Variants in SORBS2 observed in about 807,000 individuals in gnomAD.
The protein encoded by SORBS2 is sorbin and SH3 domain-containing protein 2.
Under a neutral mutation model 97.7 loss-of-function variants are expected in SORBS2, and 46 were observed. The observed-to-expected ratio is 0.47, with a 90% CI of 0.37 to 0.60. SORBS2 has a LOEUF of 0.60. Ranked by LOEUF, SORBS2 falls within the 20% of genes least tolerant of loss-of-function variation. The probability of loss-of-function intolerance (pLI) is 0.00; values close to 1 mark genes in which losing one functional copy is unlikely to be tolerated. For synonymous variants in SORBS2, 476 were observed against 473.4 expected (o/e 1.01, Z -0.07); for missense variants, 1,316 against 1,282.3 (o/e 1.03, Z -0.40).
intron 1 of SORBS2, among the ~76,000 whole-genome samples, chr4:185,654,955 CTG>C (rs2097372992): frequency 6.6e-6 from 1 of 152,162 alleles, no homozygotes; most frequent in Non-Finnish European, 1.5e-5. Flanking sequence ...TACAGTGACT[CTG>C]TTCTATTTTT....
chr4:185,705,919 T>TC (rs1366993338), intron 2 of SORBS2, among the ~76,000 whole-genome samples: 1 of 152,200 alleles, frequency 6.6e-6, no homozygotes, highest in Non-Finnish European at 1.5e-5. Context: ...TACATTGTCT[T>TC]CCAGCATATG....
intron 1 of SORBS2, among the ~76,000 whole-genome samples, chr4:185,929,424 T>C (rs1244987908): frequency 6.6e-6 from 1 of 152,192 alleles, no homozygotes; most frequent in Non-Finnish European, 1.5e-5. Flanking sequence ...CTTTTATAAT[T>C]GAGTTTAAAG....
At chr4:185,809,450 A>C (rs923877368) in intron 1 of SORBS2, among the ~76,000 whole-genome samples, 2 of 70,226 alleles carry the variant, frequency 2.8e-5, no homozygotes, top group Non-Finnish European at 2.6e-5. Flanking sequence ...GGGGCACTGC[A>C]TTTGCAAAAA....
chr4:185,890,840 C>A (rs2099242109), intron 1 of SORBS2, among the ~76,000 whole-genome samples: 1 of 152,210 alleles, frequency 6.6e-6, no homozygotes, highest in African/African-American at 2.4e-5. Flanking sequence ...CCTAGGTTTT[C>A]TGCCTTGCTA....
At chr4:185,916,942 A>G (rs1211748757) in intron 1 of SORBS2, among the ~76,000 whole-genome samples, 1 of 152,244 alleles carries the variant, frequency 6.6e-6, no homozygotes, top group Non-Finnish European at 1.5e-5. Context: ...GCTGGGTACC[A>G]GAAAGACCAA....
At chr4:185,868,773 CA>C (rs1474976221) in intron 1 of SORBS2, among the ~76,000 whole-genome samples, 2 of 152,112 alleles carry the variant, frequency 1.3e-5, no homozygotes, top group Non-Finnish European at 2.9e-5. Flanking sequence ...CATGCTGTGT[CA>C]ATATTCTACC....
At chr4:185,643,773 A>C (rs1319305351) in intron 4 of SORBS2, among the ~76,000 whole-genome samples, 2 of 152,176 alleles carry the variant, frequency 1.3e-5, no homozygotes, top group African/African-American at 4.8e-5. Flanking sequence ...ATTTTTCAAA[A>C]ATTGAAAATG....
At chr4:185,655,661 C>CGTA (rs2097387464) in intron 1 of SORBS2, among the ~76,000 whole-genome samples, 1 of 152,184 alleles carries the variant, frequency 6.6e-6, no homozygotes, top group African/African-American at 2.4e-5. Flanking sequence ...TTTGCTTATG[C>CGTA]ATACCCAAAC....
Position 185,907,138 on chromosome 4 carries a change from C to CAAA in SORBS2, c.-338+49055_-338+49057dup, listed in dbSNP as rs1401461983. Among the ~76,000 whole-genome samples the CAAA allele has an allele frequency of 5.4e-3, 373 of 68,602 alleles. 3 individuals are homozygous for CAAA. The highest frequency in any genetic ancestry group is 0.017 in the African/African-American group (364 of 21,598). 45.0% of individuals were successfully genotyped at this position (68,602 alleles called of 152,430 possible). A position where few individuals can be genotyped will look rare whatever the true frequency, so the allele number is the denominator to read the frequency against. On this transcript the variant is annotated intron_variant, in intron 1 of 20. Coordinates refer to the SORBS2 transcript ENST00000284776. ...GTGACAGAGCAAAACTCCATCATAACAAAAAAAAAAAAAAAAGAGGAATGA... is the reference window on the plus strand; with the variant it reads ...GTGACAGAGCAAAACTCCATCATAACAAAAAAAAAAAAAAAAAAAGAGGAATGA...
intron 4 of SORBS2, among the ~76,000 whole-genome samples, chr4:185,631,754 C>A (rs2096910675): frequency 6.6e-6 from 1 of 151,588 alleles, no homozygotes; most frequent in Non-Finnish European, 1.5e-5. Flanking sequence ...GAGAGTGAAA[C>A]CCCATCTCAA....
intron 2 of SORBS2, among the ~76,000 whole-genome samples, chr4:185,700,259 C>T (rs763763425): frequency 6.6e-6 from 1 of 151,732 alleles, no homozygotes; most frequent in Non-Finnish European, 1.5e-5. Context: ...GAAGATTGGG[C>T]TCCAGCTGCC....
chr4:185,827,283 C>CACA (rs2099201142), intron 1 of SORBS2, among the ~76,000 whole-genome samples: 2 of 131,160 alleles, frequency 1.5e-5, no homozygotes, highest in Non-Finnish European at 3.4e-5. Flanking sequence ...TCACCATCAT[C>CACA]ATCACCATCA....
At chr4:185,782,797 C>A (rs1193344531) in intron 1 of SORBS2, among the ~76,000 whole-genome samples, 1 of 152,202 alleles carries the variant, frequency 6.6e-6, no homozygotes, top group African/African-American at 2.4e-5. Context: ...TTTTGTGTGT[C>A]ATACACTGTA....
At chr4:185,645,100 C>A (rs955194441) in intron 4 of SORBS2, among the ~76,000 whole-genome samples, 1 of 152,128 alleles carries the variant, frequency 6.6e-6, no homozygotes, top group Non-Finnish European at 1.5e-5. Context: ...ATAGAAACAT[C>A]GTGGTGGGAG....
intron 1 of SORBS2, among the ~76,000 whole-genome samples, chr4:185,924,738 C>T (rs955262751): frequency 3.3e-5 from 5 of 152,236 alleles, no homozygotes; most frequent in Non-Finnish European, 7.3e-5. Context: ...CTCCAGACTC[C>T]TCATATAAGC....
chr4:185,751,833 G>T (rs1179706783), intron 2 of SORBS2, among the ~76,000 whole-genome samples: 1 of 152,080 alleles, frequency 6.6e-6, no homozygotes, highest in East Asian at 1.9e-4. Flanking sequence ...AGTCAGCATC[G>T]CAAACAAGCA....
At chr4:185,794,932 C>A (rs1276764158) in intron 1 of SORBS2, among the ~76,000 whole-genome samples, 1 of 152,120 alleles carries the variant, frequency 6.6e-6, no homozygotes, top group Non-Finnish European at 1.5e-5. Flanking sequence ...TGGCTCCCAG[C>A]AGCAATACCC....
chr4:185,827,309 TCAC>T (rs2099201221), intron 1 of SORBS2, among the ~76,000 whole-genome samples: 9 of 107,292 alleles, frequency 8.4e-5, no homozygotes, highest in East Asian at 3.5e-4. Flanking sequence ...ATCACCATCA[TCAC>T]CATCATCACC....
At chr4:185,906,388 C>A (rs1165905929) in intron 1 of SORBS2, among the ~76,000 whole-genome samples, 1 of 152,158 alleles carries the variant, frequency 6.6e-6, no homozygotes, top group Non-Finnish European at 1.5e-5. Flanking sequence ...TAATATGCCA[C>A]TCTATCCAAA....
Sources: gnomAD v4.1 joint callset for allele counts (sites outside exome capture counted in the v4.1 genomes callset) on GRCh38, gnomAD v4.1.1 for gene constraint, MANE v1.5 for transcripts, NCBI Gene and HGNC (gene_info 2026-07-23, HGNC 2026-07-21) for gene names.